CYP7B1: variants seen among roughly 807,000 people sequenced by gnomAD.
CYP7B1 encodes the protein cytochrome P450 family 7 subfamily B member 1, also known as cytochrome P450 7B1.
In CYP7B1, 29 loss-of-function variants were observed where a neutral mutation model predicts 42.7. The ratio of observed to expected loss-of-function variants is 0.68; its 90% CI spans 0.51 to 0.93. The LOEUF is 0.93. CYP7B1 is among the 40% of genes least tolerant of loss of function. The pLI, the probability that CYP7B1 is intolerant of heterozygous loss-of-function variation, is 0.00. For missense variants in CYP7B1, 655 were observed against 600.5 expected, an observed-to-expected ratio of 1.09 and a Z score of -0.95; for synonymous variants, 235 against 218.2, an observed-to-expected ratio of 1.08 and a Z score of -0.68.
intron 1 of CYP7B1, among the ~76,000 whole-genome samples, chr8:64,760,788 T>C (rs1312209806): frequency 5.3e-5 from 8 of 152,102 alleles, no homozygotes; most frequent in Non-Finnish European, 1.2e-4. Flanking sequence ...TAAAACAGTA[T>C]GGAGGTTCCT....
At chr8:64,729,178 T>C (rs1392909067) in intron 1 of CYP7B1, among the ~76,000 whole-genome samples, 4 of 152,116 alleles carry the variant, frequency 2.6e-5, no homozygotes, top group Non-Finnish European at 5.9e-5. Context: ...TGTAAGAAAA[T>C]CAGAGAAGCT....
At chr8:64,668,668 G>T (rs1806318511) in intron 1 of CYP7B1, among the ~76,000 whole-genome samples, 1 of 147,432 alleles carries the variant, frequency 6.8e-6, no homozygotes, top group African/African-American at 2.5e-5. Flanking sequence ...ATACTGTTTT[G>T]GTTTGTTTTT....
intron 1 of CYP7B1, among the ~76,000 whole-genome samples, chr8:64,721,881 T>C (rs1807242159): frequency 6.6e-6 from 1 of 152,162 alleles, no homozygotes. Flanking sequence ...TTCAAATAAG[T>C]CAAAAGAATC....
chr8:64,741,356 G>A (rs993193880), intron 1 of CYP7B1, among the ~76,000 whole-genome samples: 3 of 151,658 alleles, frequency 2.0e-5, no homozygotes, highest in Admixed American at 2.0e-4. Context: ...TTTTGCTCTT[G>A]TTGCCCAGGT....
intron 1 of CYP7B1, among the ~76,000 whole-genome samples, chr8:64,768,740 G>A (rs1362847204): frequency 6.6e-6 from 1 of 152,194 alleles, no homozygotes; most frequent in Admixed American, 6.5e-5. Flanking sequence ...ATGGTGGTAT[G>A]TGGCTAAGCT....
intron 1 of CYP7B1, among the ~76,000 whole-genome samples, chr8:64,718,171 T>C (rs925847471): frequency 1.3e-5 from 2 of 152,082 alleles, no homozygotes; most frequent in Non-Finnish European, 2.9e-5. Flanking sequence ...CTTCAGGTAG[T>C]TGCATCCCTA....
rs528026546 is a variant in CYP7B1, at chr8:64,666,820, A to C, written c.123-42281T>G. On this transcript the variant is annotated intron_variant, in intron 1 of 5. Transcript: ENST00000310193. ...CCAAATTACATACAGCACCCAAACA[A>C]CAAATGCTGCTGGCTATTTAAAAAT... Among the ~76,000 whole-genome samples, 3 of 152,326 alleles carry C rather than the reference A, an allele frequency of 2.0e-5. No homozygotes were observed. The East Asian group carries it at 5.8e-4, about 29-fold the overall frequency.
At position 64,798,633 on chromosome 8, in the gene CYP7B1, A is replaced by G; in HGVS notation, c.-46T>C. 6.9e-7 allele frequency: 1 copy of G among 1,442,524 alleles called. No homozygotes were observed. The highest frequency in any genetic ancestry group is 9.0e-7 in the Non-Finnish European group (1 of 1,106,816). 89.4% of individuals were successfully genotyped at this position (1,442,524 alleles called of 1,614,324 possible). On this transcript the variant is annotated 5_prime_UTR_variant, in exon 1 of 6. Coordinates refer to ENST00000310193, the MANE Select transcript of CYP7B1 (RefSeq NM_004820.5). ...GTGGGCAGCCCGGGGTCTGCCTGCGAACAGCGCGGTCGGCGACTCTGCAGC... is the reference window on the plus strand; with the variant it reads ...GTGGGCAGCCCGGGGTCTGCCTGCGGACAGCGCGGTCGGCGACTCTGCAGC...
At chr8:64,699,968 A>G (rs1247985912) in intron 1 of CYP7B1, among the ~76,000 whole-genome samples, 2 of 152,062 alleles carry the variant, frequency 1.3e-5, no homozygotes, top group South Asian at 2.1e-4. Flanking sequence ...TTCAGGGAGG[A>G]TGGCTGGCAC....
intron 1 of CYP7B1, among the ~76,000 whole-genome samples, chr8:64,792,798 T>C (rs1804641066): frequency 6.6e-6 from 1 of 152,204 alleles, no homozygotes. Context: ...GATGAGATTT[T>C]GGACTTTGAG....
intron 1 of CYP7B1, among the ~76,000 whole-genome samples, chr8:64,658,459 A>G (rs1379091328): frequency 2.0e-5 from 3 of 152,182 alleles, no homozygotes; most frequent in East Asian, 1.9e-4. Flanking sequence ...TCCTTGTCTT[A>G]TAACTTATAA....
chr8:64,749,436 G>C (rs982879155), intron 1 of CYP7B1, among the ~76,000 whole-genome samples: 8 of 152,254 alleles, frequency 5.3e-5, no homozygotes, highest in African/African-American at 1.9e-4. Context: ...AGATTAGAAG[G>C]GGGTAGAGAG....
At chr8:64,713,370 G>C (rs924043104) in intron 1 of CYP7B1, among the ~76,000 whole-genome samples, 2 of 84,650 alleles carry the variant, frequency 2.4e-5, no homozygotes, top group African/African-American at 5.5e-5. Context: ...AAAACATAGA[G>C]GAAAAAAAAA....
At chr8:64,646,607 A>G (rs941108202) in intron 1 of CYP7B1, among the ~76,000 whole-genome samples, 5 of 152,198 alleles carry the variant, frequency 3.3e-5, no homozygotes, top group African/African-American at 9.7e-5. Flanking sequence ...TCTTCTTCCA[A>G]TAGAGGGCTG....
At chr8:64,615,347 T>C in intron 3 of CYP7B1, 115 bp from the exon 4 acceptor site, 1 of 1,071,654 alleles carries the variant, frequency 9.3e-7, no homozygotes, top group Non-Finnish European at 1.4e-6. Context: ...CAGTGCATGC[T>C]AATGAGAACC....
At chr8:64,682,870 T>C (rs1806560358) in intron 1 of CYP7B1, among the ~76,000 whole-genome samples, 1 of 152,166 alleles carries the variant, frequency 6.6e-6, no homozygotes, top group African/African-American at 2.4e-5. Context: ...ACTTCACCTA[T>C]CCAAAATGAA....
intron 1 of CYP7B1, among the ~76,000 whole-genome samples, chr8:64,679,358 A>T (rs1220818672): frequency 6.6e-6 from 1 of 152,188 alleles, no homozygotes; most frequent in Non-Finnish European, 1.5e-5. Context: ...AGGGAAGGAA[A>T]GTTCTTTGTA....
chr8:64,754,840 A>T (rs1807783659), intron 1 of CYP7B1, among the ~76,000 whole-genome samples: 1 of 152,206 alleles, frequency 6.6e-6, no homozygotes, highest in South Asian at 2.1e-4. Context: ...GAAAGCAGAG[A>T]GCTGAGGATT....
intron 4 of CYP7B1, among the ~76,000 whole-genome samples, chr8:64,607,930 G>A (rs1451731569): frequency 2.0e-5 from 3 of 152,204 alleles, no homozygotes; most frequent in Non-Finnish European, 4.4e-5. Flanking sequence ...GGCACTGCAA[G>A]CTGCCAACAA....
Sources: allele counts gnomAD v4.1 joint callset (sites outside exome capture counted in the v4.1 genomes callset), GRCh38; gene constraint gnomAD v4.1.1; transcripts MANE v1.5; gene names NCBI Gene and HGNC (gene_info 2026-07-23, HGNC 2026-07-21).